Variants in WWOX observed in about 807,000 individuals in gnomAD.
WWOX encodes the protein WW domain-containing oxidoreductase.
WWOX carries 69 observed loss-of-function variants against 46.2 expected under a neutral mutation model. The ratio of observed to expected loss-of-function variants is 1.49; its 90% CI spans 1.23 to 1.82. The LOEUF is 1.82. Ranked by LOEUF, WWOX falls within the 40% of genes most tolerant of loss-of-function variation. WWOX has a pLI of 0.00. For synonymous variants in WWOX, 359 were observed against 202.6 expected, an observed-to-expected ratio of 1.77 and a Z score of -6.56; for missense variants, 919 against 542.6, an observed-to-expected ratio of 1.69 and a Z score of -6.89.
At chr16:78,585,677 T>G (rs557610542) in intron 8 of WWOX, among the ~76,000 whole-genome samples, 1 of 142,968 alleles carries the variant, frequency 7.0e-6, no homozygotes, top group African/African-American at 2.6e-5. Context: ...TGTTTTGGGT[T>G]TTTTTTTTTG....
At chr16:78,203,608 A>C (rs1400289809) in intron 5 of WWOX, among the ~76,000 whole-genome samples, 2 of 152,200 alleles carry the variant, frequency 1.3e-5, no homozygotes, top group Non-Finnish European at 2.9e-5. Context: ...TGCAAGATGA[A>C]GGCAAGATCA....
At chr16:79,114,583 C>T (rs915448714) in intron 8 of WWOX, among the ~76,000 whole-genome samples, 4 of 151,946 alleles carry the variant, frequency 2.6e-5, no homozygotes, top group Non-Finnish European at 4.4e-5. Flanking sequence ...GCCCTAGAGC[C>T]TTCGGAGGGA....
At chr16:79,004,297 C>T (rs190345591) in intron 8 of WWOX, 4 of 152,258 alleles carry the variant, frequency 2.6e-5, no homozygotes, top group African/African-American at 9.6e-5. Flanking sequence ...CATGGCGAGC[C>T]AGTACCCGTG....
intron 8 of WWOX, among the ~76,000 whole-genome samples, chr16:78,636,432 G>T (rs1227176579): frequency 1.3e-5 from 2 of 152,166 alleles, no homozygotes; most frequent in African/African-American, 4.8e-5. Context: ...GTTGATTGGG[G>T]AATAGTTGTT....
At chr16:78,261,632 T>G (rs2079235456) in intron 5 of WWOX, among the ~76,000 whole-genome samples, 1 of 150,058 alleles carries the variant, frequency 6.7e-6, no homozygotes, top group African/African-American at 2.5e-5. Flanking sequence ...AACTACGTGT[T>G]TGGGAATCAG....
intron 8 of WWOX, among the ~76,000 whole-genome samples, chr16:78,946,727 G>A (rs538836449): frequency 6.6e-6 from 1 of 152,226 alleles, no homozygotes; most frequent in Admixed American, 6.5e-5. Context: ...AGCGTTGAGA[G>A]TCATGCGGGC....
intron 8 of WWOX, among the ~76,000 whole-genome samples, chr16:79,022,117 C>T (rs1023853903): frequency 6.6e-6 from 1 of 152,156 alleles, no homozygotes; most frequent in African/African-American, 2.4e-5. Context: ...TGCAGAGGCA[C>T]GTAGGCCTGA....
chr16:78,823,516 G>A (rs979136677), intron 8 of WWOX, among the ~76,000 whole-genome samples: 2 of 152,198 alleles, frequency 1.3e-5, no homozygotes, highest in Non-Finnish European at 2.9e-5. Flanking sequence ...GAGGTCACCT[G>A]TCTGTGTAAT....
At chr16:78,668,325 C>T (rs78861154) in intron 8 of WWOX, among the ~76,000 whole-genome samples, 4 of 152,080 alleles carry the variant, frequency 2.6e-5, no homozygotes, top group East Asian at 1.9e-4. Context: ...CATACCCCCA[C>T]GCCTGTCTTT....
At chr16:78,812,523 A>T (rs1312143887) in intron 8 of WWOX, among the ~76,000 whole-genome samples, 2 of 152,034 alleles carry the variant, frequency 1.3e-5, no homozygotes, top group African/African-American at 4.8e-5. Flanking sequence ...GGAGTTCGAG[A>T]CCAGCCTGGC....
intron 8 of WWOX, among the ~76,000 whole-genome samples, chr16:78,727,543 C>T (rs944886838): frequency 5.3e-5 from 8 of 152,202 alleles, no homozygotes; most frequent in African/African-American, 9.6e-5. Flanking sequence ...AAAGGAGGGA[C>T]ACAAGGTCTG....
chr16:79,007,223 T>C (rs958075528), intron 8 of WWOX, among the ~76,000 whole-genome samples: 3 of 151,902 alleles, frequency 2.0e-5, no homozygotes, highest in Non-Finnish European at 4.4e-5. Flanking sequence ...TAAGTGTAAG[T>C]TGTGTGGGTG....
intron 8 of WWOX, among the ~76,000 whole-genome samples, chr16:79,193,716 A>C (rs1028292762): frequency 3.3e-5 from 5 of 152,180 alleles, no homozygotes; most frequent in African/African-American, 4.8e-5. Context: ...GAGGAAGGAG[A>C]GGAAAGTCCC....
intron 8 of WWOX, among the ~76,000 whole-genome samples, chr16:78,582,544 G>A (rs2045086623): frequency 6.6e-6 from 1 of 152,138 alleles, no homozygotes; most frequent in Non-Finnish European, 1.5e-5. Flanking sequence ...GAATTAAGAC[G>A]TTATGTGCAA....
intron 8 of WWOX, among the ~76,000 whole-genome samples, chr16:79,081,139 C>T (rs1020339674): frequency 6.6e-6 from 1 of 152,072 alleles, no homozygotes; most frequent in African/African-American, 2.4e-5. Context: ...AATCGAGATC[C>T]AGTGGAGTGT....
At chr16:78,684,813 T>C (rs955986282) in intron 8 of WWOX, among the ~76,000 whole-genome samples, 7 of 152,208 alleles carry the variant, frequency 4.6e-5, no homozygotes, top group African/African-American at 1.7e-4. Flanking sequence ...TATGTTTCAG[T>C]GAAGCAGTTA....
At chr16:78,607,444 A>T (rs1428146780) in intron 8 of WWOX, among the ~76,000 whole-genome samples, 1 of 152,192 alleles carries the variant, frequency 6.6e-6, no homozygotes, top group Non-Finnish European at 1.5e-5. Context: ...ATAATTAAGC[A>T]CAAATTGTTT....
chr16:79,181,937 T>G (rs2050920208), intron 8 of WWOX, among the ~76,000 whole-genome samples: 1 of 152,188 alleles, frequency 6.6e-6, no homozygotes, highest in African/African-American at 2.4e-5. Context: ...ACAAACATCA[T>G]TCGTTTGAAA....
chr16:78,323,064 C>G (rs939470246), intron 5 of WWOX, among the ~76,000 whole-genome samples: 3 of 152,016 alleles, frequency 2.0e-5, no homozygotes, highest in African/African-American at 7.3e-5. Context: ...ATAAAACAGG[C>G]GTTCCTTACC....
Sources: allele counts gnomAD v4.1 joint callset (sites outside exome capture counted in the v4.1 genomes callset), GRCh38; gene constraint gnomAD v4.1.1; transcripts MANE v1.5; gene names NCBI Gene and HGNC (gene_info 2026-07-23, HGNC 2026-07-21).